The following DOCK10 variants were observed in gnomAD, a reference collection of about 807,000 sequenced individuals.
DOCK10 encodes dedicator of cytokinesis protein 10.
A neutral mutation model predicts 280.1 loss-of-function variants in DOCK10; 145 were observed. That is an observed-to-expected ratio of 0.52 (90% CI 0.45 to 0.59). The LOEUF (loss-of-function observed/expected upper bound fraction) is 0.59, where lower values mean the gene tolerates loss of function less well. DOCK10 is among the 20% of genes least tolerant of loss of function. The pLI is 0.00. For synonymous variants in DOCK10, 915 were observed against 942.2 expected, an observed-to-expected ratio of 0.97 and a Z score of 0.53; for missense variants, 2,368 against 2,651.7, an observed-to-expected ratio of 0.89 and a Z score of 2.35.
chr2:224,987,327 A>G (rs1575150910), intron 1 of DOCK10, among the ~76,000 whole-genome samples: 1 of 152,264 alleles, frequency 6.6e-6, no homozygotes, highest in East Asian at 1.9e-4. Flanking sequence ...AGGATACAGC[A>G]GATGGCAGCC....
chr2:224,875,514 C>T (rs908637030), intron 8 of DOCK10, among the ~76,000 whole-genome samples: 7 of 151,798 alleles, frequency 4.6e-5, no homozygotes, highest in Non-Finnish European at 8.8e-5. Context: ...TGAAGTAGAC[C>T]CTTATGAAGG....
At chr2:225,018,338 GA>G (rs1289667890) in intron 1 of DOCK10, among the ~76,000 whole-genome samples, 2 of 151,578 alleles carry the variant, frequency 1.3e-5, no homozygotes, top group Non-Finnish European at 2.9e-5. Context: ...TTGCAGGACT[GA>G]AATAGGGGCC....
intron 4 of DOCK10, among the ~76,000 whole-genome samples, chr2:224,888,237 G>A (rs1404455321): frequency 6.6e-6 from 1 of 150,878 alleles, no homozygotes; most frequent in Non-Finnish European, 1.5e-5. Context: ...GTGTGTGTGT[G>A]TGTGTGTGTG....
At chr2:224,875,283 C>T (rs993261051) in intron 8 of DOCK10, among the ~76,000 whole-genome samples, 2 of 152,174 alleles carry the variant, frequency 1.3e-5, no homozygotes, top group Non-Finnish European at 2.9e-5. Context: ...TACTCCATGG[C>T]TCTTTCACTC....
intron 3 of DOCK10, among the ~76,000 whole-genome samples, chr2:224,899,060 T>C (rs983440741): frequency 1.3e-5 from 2 of 152,198 alleles, no homozygotes; most frequent in African/African-American, 2.4e-5. Context: ...TCTACCTTGC[T>C]GTGGTTCTCA....
At chr2:224,845,085 G>T in intron 21 of DOCK10, 118 bp downstream of exon 21, 1 of 1,103,758 alleles carries the variant, frequency 9.1e-7, no homozygotes, top group Non-Finnish European at 1.3e-6. Flanking sequence ...AGGTACACTT[G>T]ATTCATAGCT....
chr2:224,993,459 A>C lies in DOCK10; in HGVS notation c.123+48793T>G, dbSNP rs146955338. Among the ~76,000 whole-genome samples, 1,213 of 152,328 alleles carry C rather than the reference A, an allele frequency of 8.0e-3. 4 individuals are homozygous for C. The highest frequency in any genetic ancestry group is 0.017 in the Middle Eastern group (5 of 294). ...CTGGTTATGGGCTCAACTTGGGAGC[A>C]TCCACAGTCCACAGCAGCTCACGAA... On this transcript the variant is annotated intron_variant, in intron 1 of 55. Coordinates refer to ENST00000258390, the MANE Select transcript of DOCK10 (RefSeq NM_014689.3).
In DOCK10 at chr2:224,814,376, A is replaced by G; in HGVS notation, c.3365-12T>C. The G allele has an allele frequency of 1.3e-6, 2 of 1,505,224 alleles. No homozygotes were observed. The highest frequency in any genetic ancestry group is 1.8e-6 in the Non-Finnish European group (2 of 1,118,774). 93.2% of individuals were successfully genotyped at this position (1,505,224 alleles called of 1,614,324 possible). A position where few individuals can be genotyped will look rare whatever the true frequency, so the allele number is the denominator to read the frequency against. On this transcript the variant is annotated splice_polypyrimidine_tract_variant and intron_variant, in intron 30 of 55. Coordinates refer to ENST00000258390, the MANE Select transcript of DOCK10 (RefSeq NM_014689.3). ...AGGTGTCAAAGGATCTGAATTTAAT[A>G]TAAATAAAAAGTTCAGATATATACA... is the stretch of plus-strand genomic sequence containing the variant.
intron 31 of DOCK10, among the ~76,000 whole-genome samples, chr2:224,808,350 G>C (rs1156574794): frequency 6.6e-6 from 1 of 152,124 alleles, no homozygotes; most frequent in Non-Finnish European, 1.5e-5. Context: ...ATATTTACAG[G>C]ATTACAGGAT....
chr2:224,856,999 A>T lies in DOCK10; in HGVS notation c.1686-17T>A, dbSNP rs761555059. ...AATACTGATCTAAAAGAAAATATTT[A>T]TTCAGGTTGGTAGTTGGATATTGTT... On this transcript the variant is annotated splice_polypyrimidine_tract_variant and intron_variant, in intron 14 of 55. Coordinates refer to ENST00000258390, the MANE Select transcript of DOCK10 (RefSeq NM_014689.3). 6.3e-7 allele frequency: 1 copy of T among 1,591,808 alleles called. No homozygotes were observed. The highest frequency in any genetic ancestry group is 8.6e-7 in the Non-Finnish European group (1 of 1,168,430).
chr2:224,908,415 TTGTGTGTGTGTGTG>T (rs57986119), intron 3 of DOCK10, among the ~76,000 whole-genome samples: 32 of 141,150 alleles, frequency 2.3e-4, no homozygotes, highest in South Asian at 4.7e-4. Context: ...TCATCATCGT[TTGTGTGTGTGTGTG>T]TGTGTGTGTG....
intron 11 of DOCK10, 24 bp from the exon 12 acceptor site, chr2:224,865,111 TG>T (rs761666885): frequency 5.0e-5 from 80 of 1,603,580 alleles, no homozygotes; most frequent in African/African-American, 8.1e-5. Context: ...AAAGAACAGA[TG>T]TTTTTGATAT....
At chr2:225,040,881 C>T (rs941251678) in intron 1 of DOCK10, among the ~76,000 whole-genome samples, 23 of 152,204 alleles carry the variant, frequency 1.5e-4, no homozygotes, top group African/African-American at 4.3e-4. Flanking sequence ...AACAGTTTGT[C>T]TTTGGTGTCC....
Position 224,834,178 on chromosome 2 carries a change from T to C in DOCK10, c.2936A>G (p.Asp979Gly), listed in dbSNP as rs1377038975. Residue 979 changes from aspartate to glycine, a missense_variant, in exon 26 of 56, where the codon GAC (aspartate) becomes GGC (glycine). This residue lies in a region of DOCK10 where 1,209 missense variants were observed against 1,250.9 expected (regional missense o/e 0.97). Transcript: ENST00000258390. ...KNVTGLLKSNDSTTVKHVLKH... is the reference protein window; with the variant it reads ...KNVTGLLKSNGSTTVKHVLKH... ...TAGGACATGCTTTACTGTTGTTGAG[T>C]CATTTGATTTCAAAAGACCAGTCAC... is the stretch of plus-strand genomic sequence containing the variant. 6.2e-7 allele frequency: 1 copy of C among 1,612,052 alleles called. No individual in the cohort carries two copies. Among genetic ancestry groups the C allele is most frequent in the African/African-American group, 1.3e-5 (1 of 74,878 alleles).
intron 1 of DOCK10, among the ~76,000 whole-genome samples, chr2:225,028,075 A>T (rs1689965535): frequency 6.6e-6 from 1 of 152,170 alleles, no homozygotes; most frequent in African/African-American, 2.4e-5. Flanking sequence ...TCCACACCCT[A>T]ATCCACAGAA....
chr2:224,886,896 A>C (rs10164672), intron 4 of DOCK10, among the ~76,000 whole-genome samples: 19,354 of 128,474 alleles, frequency 0.15, 2,556 homozygotes, highest in African/African-American at 0.37. Flanking sequence ...ACACCCCCCC[A>C]AGTAGTACCT....
intron 7 of DOCK10, 40 bp downstream of exon 7, chr2:224,885,631 T>TA (rs11337772): frequency 1.2e-4 from 174 of 1,505,316 alleles, no homozygotes; most frequent in South Asian, 2.9e-4. Flanking sequence ...ACTTTTCAAA[T>TA]AAAAAAAAAT....
chr2:225,002,154 AG>A (rs1706448055), intron 1 of DOCK10, among the ~76,000 whole-genome samples: 2 of 152,174 alleles, frequency 1.3e-5, no homozygotes, highest in Non-Finnish European at 1.5e-5. Context: ...CAAATGTGAA[AG>A]GCTATGTGGC....
chr2:224,867,305 A>G (rs1697992004), intron 11 of DOCK10, among the ~76,000 whole-genome samples: 1 of 152,172 alleles, frequency 6.6e-6, no homozygotes, highest in Admixed American at 6.5e-5. Context: ...TCAACCAGTT[A>G]CTTATTGGTT....
Sources: allele counts gnomAD v4.1 joint callset (sites outside exome capture counted in the v4.1 genomes callset), GRCh38; gene constraint gnomAD v4.1.1; regional missense constraint gnomAD v4.1.1; transcripts MANE v1.5; gene names NCBI Gene and HGNC (gene_info 2026-07-23, HGNC 2026-07-21).